The following OS9 variants were observed in gnomAD, a reference collection of about 807,000 sequenced individuals.
The protein encoded by OS9 is OS9 endoplasmic reticulum lectin.
A neutral mutation model predicts 84.7 loss-of-function variants in OS9; 58 were observed. That is an observed-to-expected ratio of 0.68 (90% CI 0.55 to 0.85). OS9 has a LOEUF of 0.85. Among genes scored for constraint, OS9 ranks in the 40% least tolerant of loss-of-function variants. The pLI is 0.00. For synonymous variants in OS9, 278 were observed against 320.8 expected (o/e 0.87, Z 1.43); for missense variants, 760 against 850.9 (o/e 0.89, Z 1.33).
chr12:57,720,741 C>G (rs367685290), intron 14 of OS9, 43 bp from the exon 15 acceptor site: 13 of 1,564,572 alleles, frequency 8.3e-6, no homozygotes, highest in African/African-American at 1.4e-5. Context: ...TCCCTGGGCT[C>G]AACGGCCAGT....
intron 14 of OS9, 107 bp downstream of exon 14, chr12:57,720,625 A>T: frequency 7.8e-7 from 1 of 1,275,234 alleles, no homozygotes; most frequent in Non-Finnish European, 1.1e-6. Context: ...GATCTGTAAG[A>T]CAAGGCTGGG....
rs1211920972 is a variant in OS9 at position 57,711,061 on chromosome 12, A to G, written c.580-4699A>G. Among the ~76,000 whole-genome samples, 171 of 144,442 alleles carry G rather than the reference A, an allele frequency of 1.2e-3. 1 individual carries two copies. The highest frequency in any genetic ancestry group is 4.0e-3 in the African/African-American group (157 of 39,434). The allele number at this position is 144,442 out of a possible 152,430, so 94.8% of individuals were successfully genotyped here. On this transcript the variant is annotated intron_variant, in intron 5 of 14. Transcript: ENST00000315970. ...CTCAAAAAAAAAAAAAAAAAAAAAA[A>G]GAGAAAAATATTTCCTCCCATACTT...
intron 2 of OS9, chr12:57,695,363 G>T: frequency 2.6e-6 from 1 of 392,020 alleles, no homozygotes; most frequent in South Asian, 2.2e-5. Flanking sequence ...TGAGGTCAAA[G>T]AATTAATCTT....
At position 57,694,761 on chromosome 12, in the gene OS9, G is replaced by A. The variant is rs1446220566; in HGVS notation, c.174G>A (p.Ser58=). The change falls in exon 2 of 15, where the codon TCG becomes TCA. Residue 58 remains serine, a synonymous_variant. Coordinates refer to ENST00000315970, the MANE Select transcript of OS9 (RefSeq NM_006812.4). ...CCCTTCTTTCCCAGAGCCAATCTTC[G>A]GACGTGGTGATTGTCTCCTCTAAGT... ...LPVMGGQSQS[S]DVVIVSSKYK... 1 of 1,613,624 alleles carries A rather than the reference G, an allele frequency of 6.2e-7. No homozygotes were observed. Among genetic ancestry groups the A allele is most frequent in the East Asian group, 2.2e-5 (1 of 44,866 alleles).
intron 5 of OS9, among the ~76,000 whole-genome samples, chr12:57,715,197 C>T (rs1171060985): frequency 6.6e-6 from 1 of 151,996 alleles, no homozygotes; most frequent in Non-Finnish European, 1.5e-5. Flanking sequence ...AACCCTGTCT[C>T]TACAAAAATA....
intron 5 of OS9, among the ~76,000 whole-genome samples, chr12:57,710,987 C>G (rs897626000): frequency 1.0e-4 from 14 of 136,976 alleles, no homozygotes; most frequent in African/African-American, 3.8e-4. Flanking sequence ...TGCAGTGAGC[C>G]GAGATCACAC....
At chr12:57,699,255 G>T (rs1156339638) in intron 5 of OS9, among the ~76,000 whole-genome samples, 1 of 152,182 alleles carries the variant, frequency 6.6e-6, no homozygotes, top group East Asian at 1.9e-4. Flanking sequence ...TTCCAAGGGG[G>T]CTGTGGATCT....
At chr12:57,699,207 A>G (rs913236977) in intron 5 of OS9, among the ~76,000 whole-genome samples, 2 of 152,316 alleles carry the variant, frequency 1.3e-5, no homozygotes, top group Admixed American at 6.5e-5. Flanking sequence ...TTGGCTTTGA[A>G]TATGATTTTA....
At chr12:57,712,533 C>T (rs1444213305) in intron 5 of OS9, among the ~76,000 whole-genome samples, 2 of 152,030 alleles carry the variant, frequency 1.3e-5, no homozygotes, top group South Asian at 2.1e-4. Flanking sequence ...ATAATGGCTA[C>T]TTTTAACTCT....
chr12:57,717,818 A>AT lies in OS9; in HGVS notation c.1046-52_1046-51insT, dbSNP rs1295955074. 8.9e-6 allele frequency: 8 copies of AT among 895,190 alleles called. No homozygotes were observed. The East Asian group carries it at 2.2e-4, about 25-fold the overall frequency. The allele number at this position is 895,190 out of a possible 1,614,324, so 55.5% of individuals were successfully genotyped here. ...AAAAAAAAAAAAAAAAAAAAAAAAAAAGAATTTAAACACAACAGAACAGGT... is the reference window on the plus strand; with the variant it reads ...AAAAAAAAAAAAAAAAAAAAAAAAAATAGAATTTAAACACAACAGAACAGGT... On this transcript the variant is annotated intron_variant, in intron 9 of 14. Transcript: ENST00000315970.
chr12:57,716,492 G>T lies in OS9; in HGVS notation c.973G>T (p.Gly325Trp), dbSNP rs754774385. 1.9e-6 allele frequency: 3 copies of T among 1,574,684 alleles called. No individual in the cohort carries two copies. The highest frequency in any genetic ancestry group is 1.2e-5 in the South Asian group (1 of 86,092). ...LNEPEDQAPG[G>W]EEVPAEEQDP... is the part of the protein sequence containing the mutation. ...TGAGCCAGAGGACCAGGCCCCAGGA[G>T]GGGAGGAGGTGCCGGCTGAGGTGAG... The change falls in exon 8 of 15, where the codon GGG (glycine) becomes TGG (tryptophan). Residue 325 changes from glycine to tryptophan, a missense_variant. Physicochemically the swap from Gly to Trp is radical, Grantham distance 184. Transcript: ENST00000315970.
At chr12:57,695,219 AC>A in intron 2 of OS9, 3 of 452,664 alleles carry the variant, frequency 6.6e-6, no homozygotes, top group Non-Finnish European at 1.2e-5. Flanking sequence ...TGCTAAAGTC[AC>A]CCCCTGCCCT....
chr12:57,721,098 T>G lies in OS9; in HGVS notation c.*189T>G. 6.7e-6 allele frequency: 4 copies of G among 594,674 alleles called. No homozygotes were observed. The highest frequency in any genetic ancestry group is 1.2e-5 in the Non-Finnish European group (4 of 336,152). 36.8% of individuals were successfully genotyped at this position (594,674 alleles called of 1,614,324 possible). Reference sequence around the variant, plus strand: ...GCTGCTGCCCCTGCTGGCAGCCACCTTGAGACCTCACCGGGCCTGTGATAT... The same window carrying G: ...GCTGCTGCCCCTGCTGGCAGCCACCGTGAGACCTCACCGGGCCTGTGATAT... On this transcript the variant is annotated 3_prime_UTR_variant, in exon 15 of 15. Transcript: ENST00000315970.
At position 57,721,040 on chromosome 12, in the gene OS9, GC is replaced by G; in HGVS notation, c.*132del. ...TGGAGCTGAGCTGTGGACCTCTCGGGCAACTCTGTGGGTGTGGGGGCCCTGG... is the reference window on the plus strand; with the variant it reads ...TGGAGCTGAGCTGTGGACCTCTCGGGAACTCTGTGGGTGTGGGGGCCCTGG... On this transcript the variant is annotated 3_prime_UTR_variant, in exon 15 of 15. Coordinates refer to ENST00000315970, the MANE Select transcript of OS9 (RefSeq NM_006812.4). The G allele has an allele frequency of 9.3e-7, 1 of 1,069,810 alleles. No homozygotes were observed. Among genetic ancestry groups the G allele is most frequent in the Non-Finnish European group, 1.4e-6 (1 of 733,068 alleles). 66.3% of individuals were successfully genotyped at this position (1,069,810 alleles called of 1,614,324 possible).
Position 57,720,091 on chromosome 12 carries a change from C to A in OS9, c.1601-8C>A, listed in dbSNP as rs772987626. ...CTTTGTGTTTCCCTGTGTGTCTCCC[C>A]CTCTAAGAGGAGGATCCTGAGCACA... On this transcript the variant is annotated splice_polypyrimidine_tract_variant and splice_region_variant and intron_variant, in intron 12 of 14. Transcript: ENST00000315970. The A allele has an allele frequency of 5.0e-6, 8 of 1,612,932 alleles. No homozygotes were observed. The highest frequency in any genetic ancestry group is 4.2e-6 in the Non-Finnish European group (5 of 1,179,670).
rs1337266892 is a variant in OS9, at chr12:57,720,993, C to A, written c.*84C>A. On this transcript the variant is annotated 3_prime_UTR_variant, in exon 15 of 15. Coordinates refer to ENST00000315970, the MANE Select transcript of OS9 (RefSeq NM_006812.4). ...CCTCCCCACCTCCCCACCCTGGAAC[C>A]CCTGAGGGCCAAACAGCAGAGTGGA... The A allele has an allele frequency of 4.7e-6, 7 of 1,501,654 alleles. No individual in the cohort carries two copies. Among genetic ancestry groups the A allele is most frequent in the Non-Finnish European group, 6.4e-6 (7 of 1,085,714 alleles). The allele number at this position is 1,501,654 out of a possible 1,614,324, so 93.0% of individuals were successfully genotyped here.
At chr12:57,707,133 T>C (rs1954193846) in intron 5 of OS9, among the ~76,000 whole-genome samples, 1 of 152,220 alleles carries the variant, frequency 6.6e-6, no homozygotes, top group African/African-American at 2.4e-5. Flanking sequence ...ATTCCTAATA[T>C]TGACTTTGCC....
chr12:57,709,178 A>T (rs893470808), intron 5 of OS9, among the ~76,000 whole-genome samples: 3 of 152,090 alleles, frequency 2.0e-5, no homozygotes, highest in Admixed American at 6.5e-5. Flanking sequence ...TTGTCAATTT[A>T]TAAGAACTCT....
intron 5 of OS9, among the ~76,000 whole-genome samples, chr12:57,715,277 C>T (rs1189528291): frequency 1.3e-5 from 2 of 152,138 alleles, no homozygotes; most frequent in South Asian, 2.1e-4. Flanking sequence ...GCCGGAGAAT[C>T]GCTTGAACCC....
Sources: gnomAD v4.1 joint callset for allele counts (sites outside exome capture counted in the v4.1 genomes callset) on GRCh38, gnomAD v4.1.1 for gene constraint, MANE v1.5 for transcripts, NCBI Gene and HGNC (gene_info 2026-07-23, HGNC 2026-07-21) for gene names.